CLEC1A: variants seen among roughly 807,000 people sequenced by gnomAD.
The protein encoded by CLEC1A is C-type lectin domain family 1 member A.
Under a neutral mutation model 28.7 loss-of-function variants are expected in CLEC1A, and 34 were observed. That is an observed-to-expected ratio of 1.18 (90% confidence interval 0.90 to 1.57). CLEC1A has a LOEUF of 1.57. Ranked by LOEUF, CLEC1A falls within the 40% of genes most tolerant of loss-of-function variation. The pLI is 0.00. For synonymous variants in CLEC1A, 116 were observed against 121.0 expected, an observed-to-expected ratio of 0.96 and a Z score of 0.27; for missense variants, 385 against 339.5, an observed-to-expected ratio of 1.13 and a Z score of -1.05.
At chr12:10,091,394 T>G (rs1416529874) in intron 1 of CLEC1A, among the ~76,000 whole-genome samples, 2 of 148,668 alleles carry the variant, frequency 1.3e-5, no homozygotes, top group Admixed American at 6.6e-5. Flanking sequence ...TACAGGTTTT[T>G]GTTTTTGTTT....
chr12:10,086,296 C>A (rs1292730456), intron 2 of CLEC1A, among the ~76,000 whole-genome samples: 2 of 142,682 alleles, frequency 1.4e-5, no homozygotes, highest in Non-Finnish European at 3.1e-5. Flanking sequence ...GAAACATGAA[C>A]AAACCAAACC....
chr12:10,085,024 TGAAA>T lies in CLEC1A; in HGVS notation c.215-3615_215-3612del, dbSNP rs1265361960. 2.6e-5 allele frequency among the ~76,000 whole-genome samples: 4 copies of T among 152,020 alleles called. No individual in the cohort carries two copies. The East Asian group carries it at 5.8e-4, about 22-fold the overall frequency. On this transcript the variant is annotated intron_variant, in intron 2 of 5. Transcript: ENST00000315330. ...ATCCAGTGAAACTGAGATTCATAAA[TGAAA>T]GAGAGATAATGTTTTTTTCAGAGAA...
chr12:10,091,811 T>A (rs1947706454), intron 1 of CLEC1A, among the ~76,000 whole-genome samples: 1 of 152,188 alleles, frequency 6.6e-6, no homozygotes, highest in Non-Finnish European at 1.5e-5. Context: ...CCCACCACCA[T>A]GGTGATTTTA....
chr12:10,088,999 A>C, intron 2 of CLEC1A, 125 bp downstream of exon 2: 5 of 747,216 alleles, frequency 6.7e-6, no homozygotes, highest in Non-Finnish European at 9.3e-6. Flanking sequence ...CATTTAAAAA[A>C]AGATACACTG....
chr12:10,093,226 G>A (rs1947729623), intron 1 of CLEC1A, among the ~76,000 whole-genome samples: 1 of 151,958 alleles, frequency 6.6e-6, no homozygotes, highest in South Asian at 2.1e-4. Flanking sequence ...AAGATGCCTA[G>A]GAGGTCGCTT....
rs371227894 is a variant in CLEC1A at position 10,089,161 on chromosome 12, C to T, written c.177G>A (p.Leu59=). The part of the protein sequence containing the change: ...PVALTLLTLC[L]VLLIGLAALG... The stretch of plus-strand genomic sequence containing the variant: ...GGGCTGCCAGCCCTATCAGCAGCAC[C>T]AAGCACAAAGTCAGCAGGGTCAGGG... Residue 59 remains leucine, a synonymous_variant, in exon 2 of 6, where the codon TTG becomes TTA. Coordinates refer to ENST00000315330, the MANE Select transcript of CLEC1A (RefSeq NM_016511.4). 8 of 1,613,930 alleles carry T rather than the reference C, an allele frequency of 5.0e-6. No individual in the cohort carries two copies. The African/African-American group carries it at 1.1e-4, about 22-fold the overall frequency.
intron 2 of CLEC1A, 109 bp from the exon 3 acceptor site, chr12:10,081,522 A>T: frequency 2.6e-6 from 2 of 770,450 alleles, no homozygotes; most frequent in Non-Finnish European, 3.9e-6. Context: ...TCAGGCTCTG[A>T]GTTCTCATAT....
Position 10,081,261 on chromosome 12 carries a change from G to A in CLEC1A, c.367C>T (p.Arg123Cys), listed in dbSNP as rs1866362911. 19 of 1,608,386 alleles carry A rather than the reference G, an allele frequency of 1.2e-5. No individual in the cohort carries two copies. Among genetic ancestry groups the A allele is most frequent in the East Asian group, 2.2e-5 (1 of 44,678 alleles). The change falls in exon 3 of 6, where the codon CGT becomes TGT. Residue 123 changes from arginine (R) to cysteine (C), a missense_variant. Transcript: ENST00000315330. The part of the protein sequence containing the change: ...SLQHVAEKLC[R>C]ELYNKAGAHR... ...CCTCCAGCTTTGTTATACAGCTCAC[G>A]ACAGAGTTTTTCAGCCACATGCTGC...
Position 10,081,405 on chromosome 12 carries a change from A to G in CLEC1A, c.223T>C (p.Tyr75His). 6.3e-7 allele frequency: 1 copy of G among 1,592,984 alleles called. No homozygotes were observed. Among genetic ancestry groups the G allele is most frequent in the Non-Finnish European group, 8.5e-7 (1 of 1,171,844 alleles). Residue 75 changes from tyrosine (Y) to histidine (H), a missense_variant, in exon 3 of 6, where the codon TAC (tyrosine) becomes CAC (histidine). Physicochemically the swap from Tyr to His is moderately conservative, Grantham distance 83 (BLOSUM62 2). Coordinates refer to ENST00000315330, the MANE Select transcript of CLEC1A (RefSeq NM_016511.4). ...LAALGLLFFQ[Y>H]YQLSNTGQDT... is the part of the protein sequence containing the mutation. ...TGACCAGTATTGGAGAGCTGGTAGT[A>G]CTGAAAAACTAACCCAAATGACCAA...
chr12:10,071,141 T>C lies in CLEC1A; in HGVS notation c.*192A>G, dbSNP rs543420530. ...TTGGTGGCATGTAAATAAGACTTCT[T>C]GTGACTGTTAAATACGTGCATAAAC... On this transcript the variant is annotated 3_prime_UTR_variant, in exon 6 of 6. Transcript: ENST00000315330. 4.0e-5 allele frequency: 19 copies of C among 477,946 alleles called. No homozygotes were observed. The highest frequency in any genetic ancestry group is 6.6e-5 in the Non-Finnish European group (18 of 274,790). The allele number at this position is 477,946 out of a possible 1,614,324, so 29.6% of individuals were successfully genotyped here.
Position 10,071,142 on chromosome 12 carries a change from G to T in CLEC1A, c.*191C>A. 2.1e-6 allele frequency: 1 copy of T among 479,990 alleles called. No homozygotes were observed. The highest frequency in any genetic ancestry group is 4.0e-5 in the South Asian group (1 of 25,046). The allele number at this position is 479,990 out of a possible 1,614,324, so 29.7% of individuals were successfully genotyped here. A position where few individuals can be genotyped will look rare whatever the true frequency, so the allele number is the denominator to read the frequency against. Reference sequence around the variant, plus strand: ...TGGTGGCATGTAAATAAGACTTCTTGTGACTGTTAAATACGTGCATAAACC... The same window carrying T: ...TGGTGGCATGTAAATAAGACTTCTTTTGACTGTTAAATACGTGCATAAACC... On this transcript the variant is annotated 3_prime_UTR_variant, in exon 6 of 6. Transcript: ENST00000315330.
intron 1 of CLEC1A, among the ~76,000 whole-genome samples, chr12:10,096,776 T>C (rs1199439503): frequency 6.6e-6 from 1 of 152,118 alleles, no homozygotes; most frequent in Non-Finnish European, 1.5e-5. Flanking sequence ...CTGTCTATAG[T>C]GTCCCCAGCC....
chr12:10,081,511 C>G, intron 2 of CLEC1A, 98 bp from the exon 3 acceptor site: 1 of 1,002,774 alleles, frequency 1.0e-6, no homozygotes, highest in South Asian at 1.8e-5. Context: ...TTTTTAGTAT[C>G]TCAGGCTCTG....
chr12:10,082,933 T>C (rs79919461), intron 2 of CLEC1A, among the ~76,000 whole-genome samples: 6,132 of 152,248 alleles, frequency 0.04, 388 homozygotes, highest in African/African-American at 0.14. Flanking sequence ...TAAACATATC[T>C]ACAACCAAGG....
At chr12:10,077,428 C>G (rs530535605) in intron 3 of CLEC1A, among the ~76,000 whole-genome samples, 1 of 152,164 alleles carries the variant, frequency 6.6e-6, no homozygotes, top group South Asian at 2.1e-4. Flanking sequence ...TCTGCTCCCC[C>G]CAAAAATATA....
rs895941513 is a variant in CLEC1A, at chr12:10,073,342, T to C, written c.613A>G (p.Ser205Gly). The C allele has an allele frequency of 8.7e-6, 14 of 1,614,092 alleles. No individual in the cohort carries two copies. The highest frequency in any genetic ancestry group is 1.2e-5 in the Non-Finnish European group (14 of 1,179,966). The change falls in exon 5 of 6, where the codon AGT (serine) becomes GGT (glycine). Residue 205 changes from serine to glycine, a missense_variant. By Grantham distance (56) the Ser-to-Gly change is moderately conservative. Coordinates refer to ENST00000315330, the MANE Select transcript of CLEC1A (RefSeq NM_016511.4). The part of the protein sequence containing the change: ...SYWTGLLRPD[S>G]GKAWLWMDGT... ...TCCATCCACAGCCAGGCCTTGCCACTGTCAGGGCGCAAAAGCCCTGTCCAA... is the reference window on the plus strand; with the variant it reads ...TCCATCCACAGCCAGGCCTTGCCACCGTCAGGGCGCAAAAGCCCTGTCCAA...
rs1866364955 is a variant in CLEC1A, at chr12:10,081,332, T to C, written c.296A>G (p.Glu99Gly). Residue 99 changes from glutamate to glycine, a missense_variant, in exon 3 of 6, where the codon GAG becomes GGG. Glu to Gly is a moderately conservative substitution (Grantham distance 98). Coordinates refer to ENST00000315330, the MANE Select transcript of CLEC1A (RefSeq NM_016511.4). ...MEERLGNTSQ[E>G]LQSLQVQNIK... ...ATTCTGGACTTGAAGAGATTGCAAC[T>C]CTTGGGACGTATTTCCTAATCTTTC... 5 of 1,613,458 alleles carry C rather than the reference T, an allele frequency of 3.1e-6. No individual in the cohort carries two copies. Among genetic ancestry groups the C allele is most frequent in the Non-Finnish European group, 4.2e-6 (5 of 1,179,694 alleles).
intron 2 of CLEC1A, among the ~76,000 whole-genome samples, chr12:10,083,045 C>T (rs1866403493): frequency 6.6e-6 from 1 of 152,248 alleles, no homozygotes; most frequent in Non-Finnish European, 1.5e-5. Flanking sequence ...CAGGACTCTG[C>T]AGACATTCCC....
chr12:10,085,315 G>A (rs1866467459), intron 2 of CLEC1A, among the ~76,000 whole-genome samples: 1 of 150,822 alleles, frequency 6.6e-6, no homozygotes. Flanking sequence ...TACTAACACT[G>A]AATGTAAATG....
Sources: allele counts gnomAD v4.1 joint callset (sites outside exome capture counted in the v4.1 genomes callset), GRCh38; gene constraint gnomAD v4.1.1; transcripts MANE v1.5; gene names NCBI Gene and HGNC (gene_info 2026-07-23, HGNC 2026-07-21).